NKAIN3: variants seen among roughly 807,000 people sequenced by gnomAD.
The protein encoded by NKAIN3 is sodium/potassium-transporting ATPase subunit beta-1-interacting protein 3.
A neutral mutation model predicts 30.2 loss-of-function variants in NKAIN3; 25 were observed. The observed-to-expected ratio is 0.83, with a 90% CI of 0.60 to 1.16. The LOEUF (loss-of-function observed/expected upper bound fraction) is 1.16. Ranked by LOEUF, NKAIN3 falls within the 50% of genes most tolerant of loss-of-function variation. The pLI is 0.00. For missense variants in NKAIN3, 225 were observed against 254.1 expected, an observed-to-expected ratio of 0.89 and a Z score of 0.78; for synonymous variants, 91 against 89.6, an observed-to-expected ratio of 1.02 and a Z score of -0.09.
At chr8:62,548,652 T>C (rs1312600218) in intron 1 of NKAIN3, among the ~76,000 whole-genome samples, 1 of 152,100 alleles carries the variant, frequency 6.6e-6, no homozygotes, top group Non-Finnish European at 1.5e-5. Flanking sequence ...AAAATAAAAA[T>C]TGTGAAAATT....
At chr8:62,761,210 G>C (rs757615046) in intron 4 of NKAIN3, among the ~76,000 whole-genome samples, 6 of 152,102 alleles carry the variant, frequency 3.9e-5, no homozygotes, top group Non-Finnish European at 2.9e-5. Flanking sequence ...TAATTGTAGA[G>C]AGTCAAAAGT....
At chr8:62,816,450 G>A (rs1818681731) in intron 4 of NKAIN3, among the ~76,000 whole-genome samples, 1 of 152,134 alleles carries the variant, frequency 6.6e-6, no homozygotes, top group African/African-American at 2.4e-5. Flanking sequence ...GGCTCACTGT[G>A]GCAACAGTTG....
At chr8:62,449,088 A>C (rs1307766674) in intron 1 of NKAIN3, among the ~76,000 whole-genome samples, 1 of 152,044 alleles carries the variant, frequency 6.6e-6, no homozygotes. Flanking sequence ...CTAAGTGTTT[A>C]AAATGCACCA....
intron 1 of NKAIN3, among the ~76,000 whole-genome samples, chr8:62,429,478 C>A (rs922050327): frequency 6.6e-6 from 1 of 151,676 alleles, no homozygotes; most frequent in Admixed American, 6.6e-5. Flanking sequence ...GAAGAATGAT[C>A]TTTTTAATAG....
intron 4 of NKAIN3, among the ~76,000 whole-genome samples, chr8:62,895,434 G>T (rs1821403007): frequency 6.6e-6 from 1 of 152,326 alleles, no homozygotes; most frequent in South Asian, 2.1e-4. Context: ...TACTAGAAAT[G>T]CAGAATCTCA....
chr8:62,726,061 T>G (rs1353410767), intron 3 of NKAIN3, among the ~76,000 whole-genome samples: 2 of 152,106 alleles, frequency 1.3e-5, no homozygotes, highest in African/African-American at 4.8e-5. Context: ...TTCACTTCTT[T>G]GGTTAAATTA....
intron 1 of NKAIN3, among the ~76,000 whole-genome samples, chr8:62,553,568 G>A (rs1429435748): frequency 2.8e-5 from 4 of 144,022 alleles, no homozygotes; most frequent in African/African-American, 7.8e-5. Context: ...ACAGAATCTC[G>A]CTCTGTCACT....
chr8:62,361,154 A>T (rs1003533809), intron 1 of NKAIN3, among the ~76,000 whole-genome samples: 7 of 152,230 alleles, frequency 4.6e-5, no homozygotes, highest in African/African-American at 7.2e-5. Flanking sequence ...CTAGAAAAAA[A>T]TCTGTGACTT....
intron 3 of NKAIN3, among the ~76,000 whole-genome samples, chr8:62,620,237 A>G (rs1322075757): frequency 6.6e-6 from 1 of 152,070 alleles, no homozygotes; most frequent in Admixed American, 6.5e-5. Context: ...TTCAGATGTA[A>G]GGATGCTTCT....
chr8:62,965,063 C>T (rs1294164466), intron 6 of NKAIN3, among the ~76,000 whole-genome samples: 3 of 152,132 alleles, frequency 2.0e-5, no homozygotes, highest in Non-Finnish European at 4.4e-5. Flanking sequence ...ACCCTGTTAT[C>T]TTTACCCTTA....
chr8:62,843,205 G>GA (rs2130762483), intron 4 of NKAIN3, among the ~76,000 whole-genome samples: 1 of 152,068 alleles, frequency 6.6e-6, no homozygotes, highest in South Asian at 2.1e-4. Flanking sequence ...AGGGGACCCA[G>GA]ATGCAAGGAA....
chr8:62,801,368 C>T (rs913997725), intron 4 of NKAIN3, among the ~76,000 whole-genome samples: 6 of 152,202 alleles, frequency 3.9e-5, no homozygotes, highest in Admixed American at 3.9e-4. Flanking sequence ...GAGGCACCCC[C>T]CGATAGGGGC....
At chr8:62,935,427 G>A (rs562921915) in intron 5 of NKAIN3, among the ~76,000 whole-genome samples, 1 of 152,158 alleles carries the variant, frequency 6.6e-6, no homozygotes, top group African/African-American at 2.4e-5. Flanking sequence ...ATAAGGTAAT[G>A]ACACCCTGTG....
intron 5 of NKAIN3, among the ~76,000 whole-genome samples, chr8:62,944,163 T>A (rs1386075022): frequency 2.6e-5 from 4 of 152,048 alleles, no homozygotes; most frequent in African/African-American, 7.2e-5. Context: ...TTGAAACATA[T>A]ATATATAACT....
intron 1 of NKAIN3, among the ~76,000 whole-genome samples, chr8:62,453,801 CAT>C (rs1374385596): frequency 6.6e-6 from 1 of 152,072 alleles, no homozygotes; most frequent in Non-Finnish European, 1.5e-5. Flanking sequence ...TTCCTGGAAA[CAT>C]ATAACTTCTC....
intron 4 of NKAIN3, among the ~76,000 whole-genome samples, chr8:62,890,920 T>G (rs906230701): frequency 5.3e-5 from 8 of 152,240 alleles, no homozygotes; most frequent in Admixed American, 2.0e-4. Flanking sequence ...CCCTTTAATT[T>G]TCTATCCTTT....
chr8:62,490,516 A>G (rs950897220), intron 1 of NKAIN3, among the ~76,000 whole-genome samples: 1 of 152,228 alleles, frequency 6.6e-6, no homozygotes, highest in Non-Finnish European at 1.5e-5. Context: ...AAGCAATCAC[A>G]TTATGGAACT....
intron 4 of NKAIN3, among the ~76,000 whole-genome samples, chr8:62,801,884 G>A (rs972890251): frequency 1.1e-4 from 16 of 152,258 alleles, no homozygotes; most frequent in East Asian, 5.8e-4. Flanking sequence ...AAATTTAGAC[G>A]AATGTATAAC....
rs2130910657 is a variant in NKAIN3 at position 62,967,126 on chromosome 8, G to C, written c.*1719G>C. Among the ~76,000 whole-genome samples the C allele has an allele frequency of 6.6e-6, 1 of 152,248 alleles. No individual in the cohort carries two copies. Among genetic ancestry groups the C allele is most frequent in the African/African-American group, 2.4e-5 (1 of 41,544 alleles). On this transcript the variant is annotated 3_prime_UTR_variant, in exon 7 of 7. Coordinates refer to ENST00000623646, the MANE Select transcript of NKAIN3 (RefSeq NM_001304533.3). The stretch of plus-strand genomic sequence containing the variant: ...AATTCAAATAAAGAAAAGCTGGCAG[G>C]GACCTTGAAGATGGTGGAATCCAAG...
Sources: gnomAD v4.1 joint callset for allele counts (sites outside exome capture counted in the v4.1 genomes callset) on GRCh38, gnomAD v4.1.1 for gene constraint, MANE v1.5 for transcripts, NCBI Gene and HGNC (gene_info 2026-07-23, HGNC 2026-07-21) for gene names.